LYPD6B: variants seen among roughly 807,000 people sequenced by gnomAD.
The protein encoded by LYPD6B is LY6/PLAUR domain containing 6B, also known as ly6/PLAUR domain-containing protein 6B.
A neutral mutation model predicts 22.8 loss-of-function variants in LYPD6B; 17 were observed. The observed-to-expected ratio is 0.75, with a 90% CI of 0.51 to 1.12. The LOEUF (loss-of-function observed/expected upper bound fraction) is 1.12, where lower values mean the gene tolerates loss of function less well. LYPD6B is among the 50% of genes most tolerant of loss of function. LYPD6B has a pLI of 0.00. For synonymous variants in LYPD6B, 106 were observed against 91.6 expected (o/e 1.16, Z -0.90); for missense variants, 221 against 258.3 (o/e 0.86, Z 0.99).
intron 1 of LYPD6B, among the ~76,000 whole-genome samples, chr2:149,108,494 C>T (rs1686605427): frequency 6.6e-6 from 1 of 152,134 alleles, no homozygotes; most frequent in Non-Finnish European, 1.5e-5. Context: ...TATATACTGC[C>T]TAATGTTCAT....
At chr2:149,068,772 CAG>C (rs1684458070) in intron 1 of LYPD6B, 2 of 497,238 alleles carry the variant, frequency 4.0e-6, no homozygotes, top group East Asian at 5.7e-5. Flanking sequence ...GAATACTTTT[CAG>C]AGAGGGAATG....
chr2:149,138,164 A>T (rs1225103973), intron 2 of LYPD6B, among the ~76,000 whole-genome samples: 2 of 151,912 alleles, frequency 1.3e-5, no homozygotes, highest in Non-Finnish European at 2.9e-5. Flanking sequence ...TCTCTTTTCT[A>T]CTCTCTGAAC....
intron 1 of LYPD6B, among the ~76,000 whole-genome samples, chr2:149,045,408 T>C (rs994699385): frequency 3.5e-4 from 54 of 152,200 alleles, no homozygotes; most frequent in African/African-American, 1.3e-3. Context: ...CTGTTTTCAA[T>C]TTAATTGATT....
chr2:149,067,313 T>C (rs1377959526), intron 1 of LYPD6B, among the ~76,000 whole-genome samples: 1 of 152,198 alleles, frequency 6.6e-6, no homozygotes, highest in Non-Finnish European at 1.5e-5. Context: ...ATATTTTATA[T>C]TTATTCATTA....
intron 1 of LYPD6B, among the ~76,000 whole-genome samples, chr2:149,093,337 G>A (rs1450415282): frequency 6.6e-6 from 1 of 152,214 alleles, no homozygotes; most frequent in Non-Finnish European, 1.5e-5. Flanking sequence ...GGAAAGGCCT[G>A]TTGGTGCTGG....
Position 149,050,529 on chromosome 2 carries a change from C to T in LYPD6B, c.-67+11728C>T, listed in dbSNP as rs375931478. The stretch of plus-strand genomic sequence containing the variant: ...AAGTACATTACCGAAAAAATAGGCA[C>T]GGTGTGTTTTATTTGTCTTTTAGTA... On this transcript the variant is annotated intron_variant, in intron 1 of 6. Transcript: ENST00000409642. 2.1e-4 allele frequency among the ~76,000 whole-genome samples: 32 copies of T among 152,196 alleles called. No homozygotes were observed. In the South Asian group the frequency reaches 6.4e-3, roughly 31 times the overall value.
At chr2:149,065,319 C>G (rs1011136551) in intron 1 of LYPD6B, among the ~76,000 whole-genome samples, 1 of 152,218 alleles carries the variant, frequency 6.6e-6, no homozygotes, top group Non-Finnish European at 1.5e-5. Flanking sequence ...GATCCAAAGG[C>G]TGGTCCCATC....
intron 1 of LYPD6B, among the ~76,000 whole-genome samples, chr2:149,058,578 A>C (rs1683914754): frequency 1.3e-5 from 2 of 152,172 alleles, no homozygotes; most frequent in African/African-American, 4.8e-5. Flanking sequence ...GTGTTTATGG[A>C]GTCTCAGCCT....
intron 1 of LYPD6B, among the ~76,000 whole-genome samples, chr2:149,057,495 A>C (rs1472193089): frequency 6.6e-6 from 1 of 152,132 alleles, no homozygotes; most frequent in African/African-American, 2.4e-5. Flanking sequence ...CATATGATAC[A>C]GCAGCCAATT....
intron 1 of LYPD6B, among the ~76,000 whole-genome samples, chr2:149,094,895 A>G (rs1249713693): frequency 1.3e-5 from 2 of 152,128 alleles, no homozygotes; most frequent in African/African-American, 4.8e-5. Flanking sequence ...TCAAAACAAT[A>G]AGAAATTATT....
At chr2:149,063,577 T>C (rs1294902270) in intron 1 of LYPD6B, among the ~76,000 whole-genome samples, 5 of 152,362 alleles carry the variant, frequency 3.3e-5, no homozygotes, top group South Asian at 4.1e-4. Context: ...TTATGTCTTA[T>C]ATTTTAAAAG....
intron 1 of LYPD6B, among the ~76,000 whole-genome samples, chr2:149,104,134 A>G (rs776062860): frequency 5.1e-4 from 77 of 152,006 alleles, no homozygotes; most frequent in Non-Finnish European, 9.4e-4. Context: ...TATGCCCACA[A>G]TCTGTTTATC....
At chr2:149,188,418 A>G (rs1692269013) in intron 3 of LYPD6B, among the ~76,000 whole-genome samples, 1 of 152,064 alleles carries the variant, frequency 6.6e-6, no homozygotes, top group Non-Finnish European at 1.5e-5. Context: ...CTCTGCTCCC[A>G]TGTTCTAAGC....
chr2:149,186,748 A>G (rs1429156134), intron 3 of LYPD6B, among the ~76,000 whole-genome samples: 2 of 152,182 alleles, frequency 1.3e-5, no homozygotes, highest in Non-Finnish European at 2.9e-5. Flanking sequence ...AGGATTTAGA[A>G]TATTTCAGAA....
intron 3 of LYPD6B, chr2:149,188,702 C>T (rs777506720): frequency 3.0e-5 from 29 of 982,340 alleles, no homozygotes; most frequent in Non-Finnish European, 3.4e-5. Flanking sequence ...TATTCCGTAA[C>T]GTCTCAGGAG....
chr2:149,163,698 AT>A (rs1690239709), intron 3 of LYPD6B, among the ~76,000 whole-genome samples: 1 of 152,002 alleles, frequency 6.6e-6, no homozygotes, highest in African/African-American at 2.4e-5. Context: ...GGAACTTGCT[AT>A]TTTTTCCCCC....
In LYPD6B at chr2:149,213,139, T is replaced by C. The variant is rs1191528573; in HGVS notation, c.459+17T>C. On this transcript the variant is annotated intron_variant, in intron 6 of 6. Transcript: ENST00000409642. ...GAACATACGGTAAGGATCGTGTGTGTGTGTTATTGTCTAAACTTTCATCCT... is the reference window on the plus strand; with the variant it reads ...GAACATACGGTAAGGATCGTGTGTGCGTGTTATTGTCTAAACTTTCATCCT... The C allele has an allele frequency of 6.2e-7, 1 of 1,613,184 alleles. No individual in the cohort carries two copies. Among genetic ancestry groups the C allele is most frequent in the Middle Eastern group, 1.7e-4 (1 of 6,060 alleles).
At chr2:149,187,098 G>C (rs1446745532) in intron 3 of LYPD6B, among the ~76,000 whole-genome samples, 2 of 152,182 alleles carry the variant, frequency 1.3e-5, no homozygotes, top group African/African-American at 4.8e-5. Flanking sequence ...CTCCAGTATA[G>C]TGTAAACATA....
intron 1 of LYPD6B, among the ~76,000 whole-genome samples, chr2:149,101,763 C>G (rs1308242026): frequency 6.6e-6 from 1 of 152,188 alleles, no homozygotes; most frequent in Non-Finnish European, 1.5e-5. Flanking sequence ...CAGAGTAGGT[C>G]AGACTTTTAT....
Sources: gnomAD v4.1 joint callset for allele counts (sites outside exome capture counted in the v4.1 genomes callset) on GRCh38, gnomAD v4.1.1 for gene constraint, MANE v1.5 for transcripts, NCBI Gene and HGNC (gene_info 2026-07-23, HGNC 2026-07-21) for gene names.